Variants in HTR1F observed in about 807,000 individuals in gnomAD.
HTR1F encodes the protein 5-hydroxytryptamine (serotonin) receptor 1F, G protein-coupled.
Under a neutral mutation model 24.0 loss-of-function variants are expected in HTR1F, and 17 were observed. The observed-to-expected ratio is 0.71, with a 90% CI of 0.48 to 1.06. The LOEUF (loss-of-function observed/expected upper bound fraction) is 1.06. HTR1F is among the 50% of genes least tolerant of loss of function. The pLI is 0.00. For missense variants in HTR1F, 391 were observed against 427.8 expected (o/e 0.91, Z 0.76); for synonymous variants, 186 against 156.8 (o/e 1.19, Z -1.39).
chr3:87,893,744 T>A (rs1002575016), intron 2 of HTR1F, among the ~76,000 whole-genome samples: 2 of 152,250 alleles, frequency 1.3e-5, no homozygotes, highest in African/African-American at 4.8e-5. Context: ...CTAAGTCATC[T>A]CAGAAAGTTA....
At chr3:87,934,892 G>A (rs1477329701) in intron 2 of HTR1F, among the ~76,000 whole-genome samples, 1 of 152,166 alleles carries the variant, frequency 6.6e-6, no homozygotes, top group African/African-American at 2.4e-5. Flanking sequence ...TTGAGACAGA[G>A]TCTCACTTTG....
chr3:87,938,198 A>G (rs1444929735), intron 2 of HTR1F, among the ~76,000 whole-genome samples: 1 of 152,234 alleles, frequency 6.6e-6, no homozygotes, highest in African/African-American at 2.4e-5. Flanking sequence ...CAATTGGCAA[A>G]AAGGATAAAG....
chr3:87,943,560 G>A (rs1272573642), intron 2 of HTR1F, among the ~76,000 whole-genome samples: 1 of 146,356 alleles, frequency 6.8e-6, no homozygotes, highest in Non-Finnish European at 1.5e-5. Context: ...TTGAAGGGGG[G>A]TCCTTATTAG....
intron 2 of HTR1F, among the ~76,000 whole-genome samples, chr3:87,944,138 G>T (rs1704639171): frequency 6.6e-6 from 1 of 152,136 alleles, no homozygotes; most frequent in Non-Finnish European, 1.5e-5. Context: ...AAAGGGGTCT[G>T]GGCTGCTGGA....
intron 2 of HTR1F, among the ~76,000 whole-genome samples, chr3:87,856,136 T>A (rs1410800276): frequency 6.6e-6 from 1 of 152,086 alleles, no homozygotes; most frequent in African/African-American, 2.4e-5. Context: ...ATTGTTACAA[T>A]TTTTCAATTT....
At chr3:87,912,995 G>A (rs753806512) in intron 2 of HTR1F, among the ~76,000 whole-genome samples, 2 of 152,026 alleles carry the variant, frequency 1.3e-5, no homozygotes, top group Non-Finnish European at 2.9e-5. Context: ...CCTGGAAGAC[G>A]ACCTAGGCAA....
chr3:87,987,024 T>G (rs528035639), intron 2 of HTR1F, among the ~76,000 whole-genome samples: 2 of 152,064 alleles, frequency 1.3e-5, no homozygotes, highest in East Asian at 3.9e-4. Flanking sequence ...AAGAATTGCT[T>G]GAACCTGGGA....
rs1175856018 is a variant in HTR1F at position 87,992,624 on chromosome 3, T to TTGC, written c.*776_*778dup. The TTGC allele has an allele frequency of 6.0e-6, 1 of 167,046 alleles. No individual in the cohort carries two copies. Among genetic ancestry groups the TTGC allele is most frequent in the Non-Finnish European group, 1.5e-5 (1 of 68,082 alleles). 10.3% of individuals were successfully genotyped at this position (167,046 alleles called of 1,614,324 possible). A position where few individuals can be genotyped will look rare whatever the true frequency, so the allele number is the denominator to read the frequency against. Reference sequence around the variant, plus strand: ...AGGGGCATGGGTGACGTTGTTATAATTGCTCTCTGTTTACTTAGGAATCAA... The same window carrying TTGC: ...AGGGGCATGGGTGACGTTGTTATAATTGCTGCTCTCTGTTTACTTAGGAATCAA... On this transcript the variant is annotated 3_prime_UTR_variant, in exon 3 of 3. Transcript: ENST00000319595.
chr3:87,808,363 G>T (rs145811995), intron 1 of HTR1F, among the ~76,000 whole-genome samples: 4 of 151,872 alleles, frequency 2.6e-5, no homozygotes, highest in African/African-American at 9.6e-5. Flanking sequence ...ATGAGTCCAG[G>T]AATTTATCTG....
chr3:87,903,803 C>T (rs1329437114), intron 2 of HTR1F, among the ~76,000 whole-genome samples: 1 of 152,196 alleles, frequency 6.6e-6, no homozygotes, highest in Non-Finnish European at 1.5e-5. Flanking sequence ...ATAAATCATG[C>T]TGCTATAAAG....
chr3:87,964,805 A>G (rs2919260), intron 2 of HTR1F, among the ~76,000 whole-genome samples: 75,467 of 151,986 alleles, frequency 0.5, 21,510 homozygotes, highest in African/African-American at 0.8. Context: ...ATATGGCTGT[A>G]TCCTTATGCA....
chr3:87,840,549 C>G (rs895782270), intron 2 of HTR1F, among the ~76,000 whole-genome samples: 1 of 151,738 alleles, frequency 6.6e-6, no homozygotes, highest in Non-Finnish European at 1.5e-5. Flanking sequence ...AAGCTTCCCA[C>G]AATAATAATA....
chr3:87,936,897 G>C (rs1040983783), intron 2 of HTR1F, among the ~76,000 whole-genome samples: 13 of 149,734 alleles, frequency 8.7e-5, no homozygotes, highest in Non-Finnish European at 1.5e-4. Context: ...GAAATTCCTA[G>C]ACTCTACACC....
At chr3:87,797,531 G>A (rs949738975) in intron 1 of HTR1F, among the ~76,000 whole-genome samples, 1 of 152,108 alleles carries the variant, frequency 6.6e-6, no homozygotes, top group Admixed American at 6.6e-5. Context: ...TACAAGGAAG[G>A]AAACTGGATG....
intron 2 of HTR1F, among the ~76,000 whole-genome samples, chr3:87,892,439 T>C (rs1358439767): frequency 3.3e-5 from 5 of 152,172 alleles, no homozygotes; most frequent in African/African-American, 9.6e-5. Context: ...ACAATTACCA[T>C]AAAGGCGGCA....
intron 2 of HTR1F, among the ~76,000 whole-genome samples, chr3:87,851,252 T>A (rs1705080248): frequency 6.6e-6 from 1 of 151,736 alleles, no homozygotes; most frequent in South Asian, 2.1e-4. Flanking sequence ...TTTATCATGA[T>A]CACCTAAGAA....
intron 2 of HTR1F, among the ~76,000 whole-genome samples, chr3:87,973,776 A>G (rs1406596513): frequency 9.9e-5 from 15 of 152,244 alleles, no homozygotes; most frequent in Non-Finnish European, 1.9e-4. Context: ...TTATTAGTTA[A>G]CAATCATTGC....
At chr3:87,849,276 C>T (rs1705023397) in intron 2 of HTR1F, among the ~76,000 whole-genome samples, 1 of 151,670 alleles carries the variant, frequency 6.6e-6, no homozygotes, top group African/African-American at 2.4e-5. Flanking sequence ...ATCAATGCAA[C>T]AGAACAGAGC....
rs142452663 is a variant in HTR1F at position 87,812,484 on chromosome 3, G to A, written c.-159-9524G>A. Reference sequence around the variant, plus strand: ...ATTTGAGAGAGAGGATCTGAAATAGGAACTTATGTTTAAAAGGGAAGCAGA... The same window carrying A: ...ATTTGAGAGAGAGGATCTGAAATAGAAACTTATGTTTAAAAGGGAAGCAGA... On this transcript the variant is annotated intron_variant, in intron 1 of 2. Coordinates refer to ENST00000319595, the MANE Select transcript of HTR1F (RefSeq NM_001322209.2). Among the ~76,000 whole-genome samples the A allele has an allele frequency of 3.8e-3, 586 of 152,214 alleles. 6 individuals carry two copies. Among genetic ancestry groups the A allele is most frequent in the African/African-American group, 0.014 (563 of 41,544 alleles).
Sources: allele counts gnomAD v4.1 joint callset (sites outside exome capture counted in the v4.1 genomes callset), GRCh38; gene constraint gnomAD v4.1.1; transcripts MANE v1.5; gene names NCBI Gene and HGNC (gene_info 2026-07-23, HGNC 2026-07-21).